ZNF804B: variants seen among roughly 807,000 people sequenced by gnomAD.
The protein encoded by ZNF804B is zinc finger 804B.
ZNF804B carries 80 observed loss-of-function variants against 101.4 expected under a neutral mutation model. The observed-to-expected ratio is 0.79, with a 90% CI of 0.66 to 0.95. The LOEUF is 0.95. Among genes scored for constraint, ZNF804B ranks in the 40% least tolerant of loss-of-function variants. The pLI is 0.00. For synonymous variants in ZNF804B, 622 were observed against 558.8 expected (o/e 1.11, Z -1.59); for missense variants, 1,673 against 1,561.9 (o/e 1.07, Z -1.20).
At chr7:88,925,893 T>A (rs979185318) in intron 1 of ZNF804B, among the ~76,000 whole-genome samples, 7 of 152,160 alleles carry the variant, frequency 4.6e-5, no homozygotes, top group Non-Finnish European at 1.0e-4. Context: ...GACAAAGTTA[T>A]GATGCTAGGT....
chr7:88,773,604 T>C (rs1023523333), intron 1 of ZNF804B, among the ~76,000 whole-genome samples: 6 of 152,214 alleles, frequency 3.9e-5, no homozygotes, highest in African/African-American at 1.2e-4. Context: ...AGGTCATTCT[T>C]GTATTGCTAT....
chr7:88,872,402 G>A (rs1473899005), intron 1 of ZNF804B, among the ~76,000 whole-genome samples: 4 of 152,068 alleles, frequency 2.6e-5, no homozygotes, highest in African/African-American at 7.2e-5. Context: ...GAGTGACAGA[G>A]CAAGAACCTC....
intron 1 of ZNF804B, among the ~76,000 whole-genome samples, chr7:88,795,942 C>T (rs909102956): frequency 6.6e-6 from 1 of 152,114 alleles, no homozygotes; most frequent in African/African-American, 2.4e-5. Context: ...AGAATCTGGA[C>T]ATCTTTTTCC....
intron 1 of ZNF804B, among the ~76,000 whole-genome samples, chr7:88,870,400 A>AAAAG (rs1554341923): frequency 1.8e-5 from 2 of 112,674 alleles, no homozygotes; most frequent in African/African-American, 3.9e-5. Context: ...AAAAAAAAAA[A>AAAAG]AAAAAAAGGT....
chr7:89,059,250 C>A (rs1198412408), intron 1 of ZNF804B, among the ~76,000 whole-genome samples: 1 of 152,084 alleles, frequency 6.6e-6, no homozygotes, highest in Non-Finnish European at 1.5e-5. Flanking sequence ...TTAGTCTGTT[C>A]TTTCATTGCA....
intron 2 of ZNF804B, among the ~76,000 whole-genome samples, chr7:89,272,371 C>G (rs1052647310): frequency 2.0e-5 from 3 of 152,068 alleles, no homozygotes; most frequent in African/African-American, 7.2e-5. Context: ...GAGTACTTCA[C>G]AGGCAAATTC....
chr7:89,031,667 T>TTG (rs1788837982), intron 1 of ZNF804B, among the ~76,000 whole-genome samples: 1 of 151,204 alleles, frequency 6.6e-6, no homozygotes, highest in African/African-American at 2.4e-5. Context: ...TTTTGTTTTT[T>TTG]TTTTTTTCCC....
intron 1 of ZNF804B, among the ~76,000 whole-genome samples, chr7:88,819,382 C>T (rs757298484): frequency 6.6e-6 from 1 of 152,108 alleles, no homozygotes. Context: ...CAGCCTGCCT[C>T]AGCCTCCCAA....
At chr7:89,309,075 T>G (rs906248514) in intron 2 of ZNF804B, among the ~76,000 whole-genome samples, 3 of 152,204 alleles carry the variant, frequency 2.0e-5, no homozygotes, top group African/African-American at 7.2e-5. Flanking sequence ...AGGTTTCTAA[T>G]GATCCCATCA....
At chr7:88,890,363 A>G (rs1481459545) in intron 1 of ZNF804B, among the ~76,000 whole-genome samples, 1 of 152,172 alleles carries the variant, frequency 6.6e-6, no homozygotes, top group Non-Finnish European at 1.5e-5. Context: ...TTACATAGAC[A>G]GGAGTTTGCA....
intron 1 of ZNF804B, among the ~76,000 whole-genome samples, chr7:89,150,323 A>G (rs1790854004): frequency 6.6e-6 from 1 of 151,990 alleles, no homozygotes. Context: ...TGTAATATGT[A>G]TTGTTGCCCC....
At chr7:89,320,727 C>G (rs1287373056) in intron 2 of ZNF804B, among the ~76,000 whole-genome samples, 1 of 151,838 alleles carries the variant, frequency 6.6e-6, no homozygotes, top group Non-Finnish European at 1.5e-5. Context: ...ACACCATAGT[C>G]AAACTTATAA....
At chr7:88,887,633 T>A (rs1054003034) in intron 1 of ZNF804B, among the ~76,000 whole-genome samples, 2 of 152,102 alleles carry the variant, frequency 1.3e-5, no homozygotes, top group Non-Finnish European at 2.9e-5. Flanking sequence ...TGTAAACCAC[T>A]TTTTAAAAAA....
rs550321609 is a variant in ZNF804B at position 88,914,021 on chromosome 7, A to C, written c.108+153937A>C. Among the ~76,000 whole-genome samples, 5 of 152,248 alleles carry C rather than the reference A, an allele frequency of 3.3e-5. No homozygotes were observed. In the South Asian group the frequency reaches 1.0e-3, roughly 32 times the overall value. ...AACCAAAAGCATTGATAGTAGTTGA[A>C]GTCTGGGGTCTGAGAGAAAGTCCTT... On this transcript the variant is annotated intron_variant, in intron 1 of 3. Transcript: ENST00000333190.
chr7:89,296,525 G>T (rs1054710643), intron 2 of ZNF804B, among the ~76,000 whole-genome samples: 2 of 151,856 alleles, frequency 1.3e-5, no homozygotes, highest in East Asian at 3.9e-4. Flanking sequence ...GATGACTGTC[G>T]TTTTCTCATA....
intron 1 of ZNF804B, among the ~76,000 whole-genome samples, chr7:88,963,952 A>C: frequency 6.6e-6 from 1 of 151,474 alleles, no homozygotes; most frequent in Non-Finnish European, 1.5e-5. Context: ...AGGGAAATGC[A>C]AATTAAAACC....
chr7:89,271,280 C>T (rs1487157392), intron 2 of ZNF804B, among the ~76,000 whole-genome samples: 5 of 151,980 alleles, frequency 3.3e-5, no homozygotes, highest in African/African-American at 7.2e-5. Flanking sequence ...GCATGAAGGG[C>T]TGTTGAATTT....
At chr7:88,785,651 T>C (rs1295302069) in intron 1 of ZNF804B, among the ~76,000 whole-genome samples, 1 of 152,148 alleles carries the variant, frequency 6.6e-6, no homozygotes, top group Non-Finnish European at 1.5e-5. Context: ...CAGCCTCATC[T>C]CTTATGACTC....
chr7:89,033,460 A>C (rs13438042), intron 1 of ZNF804B, among the ~76,000 whole-genome samples: 50,358 of 151,922 alleles, frequency 0.33, 8,863 homozygotes, highest in East Asian at 0.59. Flanking sequence ...GGTTTCAAAT[A>C]TTTTGGATAA....
Sources: gnomAD v4.1 joint callset for allele counts (sites outside exome capture counted in the v4.1 genomes callset) on GRCh38, gnomAD v4.1.1 for gene constraint, MANE v1.5 for transcripts, NCBI Gene and HGNC (gene_info 2026-07-23, HGNC 2026-07-21) for gene names.